The following PDE11A variants were observed in gnomAD, a reference collection of about 807,000 sequenced individuals.
PDE11A encodes the protein phosphodiesterase 11A.
PDE11A carries 100 observed loss-of-function variants against 100.5 expected under a neutral mutation model. That is an observed-to-expected ratio of 1.00 (90% CI 0.85 to 1.18). The LOEUF is 1.18. Ranked by LOEUF, PDE11A falls within the 50% of genes most tolerant of loss-of-function variation. PDE11A has a pLI of 0.00. For missense variants in PDE11A, 1,141 were observed against 1,152.6 expected (o/e 0.99, Z 0.15); for synonymous variants, 381 against 420.8 (o/e 0.91, Z 1.16).
At chr2:178,098,660 A>G (rs1381842618) in intron 2 of PDE11A, among the ~76,000 whole-genome samples, 1 of 151,960 alleles carries the variant, frequency 6.6e-6, no homozygotes, top group Non-Finnish European at 1.5e-5. Flanking sequence ...TTTAGTTGGT[A>G]GAGGGACAGG....
intron 5 of PDE11A, among the ~76,000 whole-genome samples, chr2:177,850,693 AAAAC>A (rs1156687422): frequency 2.6e-5 from 4 of 152,246 alleles, no homozygotes; most frequent in African/African-American, 9.6e-5. Flanking sequence ...TTACAAGAAA[AAAAC>A]AAACAACCCC....
rs2082410836 is a variant in PDE11A, at chr2:177,778,624, G to GT, written c.1738-9252dup. The stretch of plus-strand genomic sequence containing the variant: ...AAATAAAGAAGCTTTGCTCTCAGCA[G>GT]TAGTCCTTAAACTAAGAAAGATGAC... On this transcript the variant is annotated intron_variant, in intron 9 of 19. Coordinates refer to ENST00000286063, the MANE Select transcript of PDE11A (RefSeq NM_016953.4). Among the ~76,000 whole-genome samples, 3 of 152,208 alleles carry GT rather than the reference G, an allele frequency of 2.0e-5. No individual in the cohort carries two copies. In the South Asian group the frequency reaches 6.2e-4, roughly 31 times the overall value.
At chr2:177,956,217 AAAAC>A (rs1365750614) in intron 2 of PDE11A, among the ~76,000 whole-genome samples, 40 of 152,220 alleles carry the variant, frequency 2.6e-4, no homozygotes, top group Admixed American at 6.5e-4. Context: ...TTACAAGAAA[AAAAC>A]AAACAACCCC....
intron 2 of PDE11A, among the ~76,000 whole-genome samples, chr2:177,939,336 A>AGGAAGGAGGGAGGGC (rs1164211460): frequency 7.5e-5 from 11 of 147,182 alleles, no homozygotes; most frequent in South Asian, 2.3e-4. Flanking sequence ...GAAGAAAGGA[A>AGGAAGGAGGGAGGGC]GGAAGGAGGG....
chr2:177,967,468 G>A (rs1289618760), intron 2 of PDE11A, among the ~76,000 whole-genome samples: 2 of 151,802 alleles, frequency 1.3e-5, no homozygotes, highest in Non-Finnish European at 2.9e-5. Context: ...AAAAGTGTTG[G>A]GATTACAGGT....
chr2:178,058,093 T>C (rs1316579687), intron 1 of PDE11A, among the ~76,000 whole-genome samples: 3 of 152,076 alleles, frequency 2.0e-5, no homozygotes, highest in Non-Finnish European at 4.4e-5. Context: ...CCTGAACTCA[T>C]GATCTACCCA....
chr2:177,734,248 C>T (rs533528132), intron 10 of PDE11A, among the ~76,000 whole-genome samples: 79 of 152,232 alleles, frequency 5.2e-4, no homozygotes, highest in Non-Finnish European at 9.0e-4. Context: ...CAAATTGTTA[C>T]TTTGTGTTGA....
At chr2:177,945,102 G>C (rs972874097) in intron 2 of PDE11A, among the ~76,000 whole-genome samples, 1 of 150,864 alleles carries the variant, frequency 6.6e-6, no homozygotes, top group Admixed American at 6.6e-5. Context: ...GATTGCAGAG[G>C]GAGTCTCGTT....
At chr2:177,863,319 A>G (rs2083974698) in intron 5 of PDE11A, among the ~76,000 whole-genome samples, 1 of 152,012 alleles carries the variant, frequency 6.6e-6, no homozygotes, top group East Asian at 1.9e-4. Context: ...CAAAAGCAAA[A>G]GTAAATAAAT....
chr2:178,091,529 G>A (rs1213847845), intron 2 of PDE11A, among the ~76,000 whole-genome samples: 2 of 152,198 alleles, frequency 1.3e-5, no homozygotes, highest in Non-Finnish European at 2.9e-5. Context: ...GTTGTGAAGT[G>A]TAAATGAGGT....
rs528563571 is a variant in PDE11A, at chr2:177,799,325, T to C, written c.1737+17504A>G. Among the ~76,000 whole-genome samples, 21 of 152,268 alleles carry C rather than the reference T, an allele frequency of 1.4e-4. No individual in the cohort carries two copies. The East Asian group carries it at 1.7e-3, about 13-fold the overall frequency. Reference sequence around the variant, plus strand: ...TGAATCAAGTATGGACTTTAGTTGATAATAATATAGCAATATGGTTCATTA... The same window carrying C: ...TGAATCAAGTATGGACTTTAGTTGACAATAATATAGCAATATGGTTCATTA... On this transcript the variant is annotated intron_variant, in intron 9 of 19. Coordinates refer to ENST00000286063, the MANE Select transcript of PDE11A (RefSeq NM_016953.4).
intron 1 of PDE11A, among the ~76,000 whole-genome samples, chr2:178,055,660 A>AATT (rs1214804851): frequency 6.6e-6 from 1 of 152,094 alleles, no homozygotes; most frequent in African/African-American, 2.4e-5. Flanking sequence ...TTGTAATAAT[A>AATT]ATTATTATTA....
intron 13 of PDE11A, among the ~76,000 whole-genome samples, chr2:177,706,879 G>A (rs1209718984): frequency 2.4e-5 from 3 of 125,952 alleles, no homozygotes; most frequent in African/African-American, 7.9e-5. Flanking sequence ...CCTGAGATTT[G>A]GGGACCTCGG....
chr2:178,104,571 T>C (rs1327306676), intron 1 of PDE11A: 28 of 1,012,362 alleles, frequency 2.8e-5, no homozygotes, highest in South Asian at 2.1e-4. Context: ...TTGACTGAAG[T>C]GAATGCTGAT....
intron 19 of PDE11A, among the ~76,000 whole-genome samples, chr2:177,640,945 A>G (rs2080133098): frequency 6.6e-6 from 1 of 152,090 alleles, no homozygotes; most frequent in African/African-American, 2.4e-5. Context: ...CCCACTTCCA[A>G]AGTTTCTTTG....
rs78197898 is a variant in PDE11A, at chr2:177,907,568, C to T, written c.1072-2381G>A. ...AAAACTGAGGCTTTAAGAACTTACCCAAAGTTCTTGGGAGATAATTCTCTA... is the reference window on the plus strand; with the variant it reads ...AAAACTGAGGCTTTAAGAACTTACCTAAAGTTCTTGGGAGATAATTCTCTA... On this transcript the variant is annotated intron_variant, in intron 2 of 19. Transcript: ENST00000286063. Among the ~76,000 whole-genome samples the T allele has an allele frequency of 6.5e-3, 987 of 152,264 alleles. 61 individuals are homozygous for T. In the East Asian group the frequency reaches 0.14, roughly 22 times the overall value.
At chr2:178,027,058 C>T (rs2086487603) in intron 1 of PDE11A, among the ~76,000 whole-genome samples, 1 of 152,038 alleles carries the variant, frequency 6.6e-6, no homozygotes, top group South Asian at 2.1e-4. Flanking sequence ...ATTGAAACGA[C>T]CAGTGAAATG....
intron 2 of PDE11A, among the ~76,000 whole-genome samples, chr2:177,957,631 G>T (rs185199215): frequency 1.3e-5 from 2 of 152,326 alleles, no homozygotes; most frequent in Admixed American, 1.3e-4. Context: ...AGAGATAAGA[G>T]ATGGAGGCCC....
intron 15 of PDE11A, among the ~76,000 whole-genome samples, chr2:177,693,971 T>C (rs2081076331): frequency 6.6e-6 from 1 of 152,222 alleles, no homozygotes; most frequent in Admixed American, 6.5e-5. Flanking sequence ...TTGTTCTGGC[T>C]AAAAATATGG....
Sources: allele counts gnomAD v4.1 joint callset (sites outside exome capture counted in the v4.1 genomes callset), GRCh38; gene constraint gnomAD v4.1.1; transcripts MANE v1.5; gene names NCBI Gene and HGNC (gene_info 2026-07-23, HGNC 2026-07-21).